DST: variants seen among roughly 807,000 people sequenced by gnomAD.
DST encodes dystonin.
In DST, 253 loss-of-function variants were observed where a neutral mutation model predicts 875.2. The observed-to-expected ratio is 0.29, with a 90% CI of 0.26 to 0.32. The LOEUF is 0.32. Ranked by LOEUF, DST falls within the 10% of genes least tolerant of loss-of-function variation. The pLI, the probability that DST is intolerant of heterozygous loss-of-function variation, is 1.00. For missense variants in DST, 8,287 were observed against 9,111.6 expected, an observed-to-expected ratio of 0.91 and a Z score of 3.68; for synonymous variants, 3,124 against 3,197.1, an observed-to-expected ratio of 0.98 and a Z score of 0.77.
At position 56,603,025 on chromosome 6, in the gene DST, G is replaced by A. The variant is rs536164178; in HGVS notation, c.11164C>T (p.Leu3722=). Residue 3722 remains leucine (L), a synonymous_variant, in exon 43 of 104, where the codon CTA becomes TTA. Transcript: ENST00000680361. ...AGAAATTCTTCATGGGAAACTGCTAGTTTAGACTAGAAAAAAAAATTGTGC... is the reference window on the plus strand; with the variant it reads ...AGAAATTCTTCATGGGAAACTGCTAATTTAGACTAGAAAAAAAAATTGTGC... ...MLAIDSEMSK[L]AVSHEEFLHK... 51 of 1,567,114 alleles carry A rather than the reference G, an allele frequency of 3.3e-5. No homozygotes were observed. The highest frequency in any genetic ancestry group is 1.7e-4 in the Admixed American group (8 of 47,312).
intron 2 of DST, among the ~76,000 whole-genome samples, chr6:56,947,241 C>T (rs1427728582): frequency 7.5e-6 from 1 of 134,128 alleles, no homozygotes; most frequent in African/African-American, 2.8e-5. Flanking sequence ...TGATTTTTTG[C>T]TACTCTCTCT....
At position 56,637,118 on chromosome 6, in the gene DST, A is replaced by C. The variant is rs1343184781; in HGVS notation, c.2965-466T>G. 3.3e-5 allele frequency among the ~76,000 whole-genome samples: 5 copies of C among 151,618 alleles called. No individual in the cohort carries two copies. In the East Asian group the frequency reaches 5.8e-4, roughly 18 times the overall value. Reference sequence around the variant, plus strand: ...AAACAAACAAACAAACAAAAAAAAAACAAGAAAATCAGGGCAGTAAAATTT... The same window carrying C: ...AAACAAACAAACAAACAAAAAAAAACCAAGAAAATCAGGGCAGTAAAATTT... On this transcript the variant is annotated intron_variant, in intron 22 of 103. Transcript: ENST00000680361.
chr6:56,682,907 G>C (rs1006792458), intron 9 of DST, among the ~76,000 whole-genome samples: 2 of 152,168 alleles, frequency 1.3e-5, no homozygotes, highest in Non-Finnish European at 2.9e-5. Context: ...AAAGCAACCA[G>C]TGCTGGAACT....
intron 9 of DST, among the ~76,000 whole-genome samples, chr6:56,696,916 C>G (rs1373339587): frequency 6.6e-6 from 1 of 152,192 alleles, no homozygotes; most frequent in African/African-American, 2.4e-5. Flanking sequence ...TCTTCTCCAT[C>G]TGTGCTCTTC....
chr6:56,840,938 T>C (rs1591517530), intron 4 of DST, among the ~76,000 whole-genome samples: 2 of 152,192 alleles, frequency 1.3e-5, no homozygotes, highest in East Asian at 3.9e-4. Flanking sequence ...TCTAGATGAA[T>C]GCAAACTCAT....
Position 56,900,575 on chromosome 6 carries a change from G to A in DST, c.263C>T (p.Ala88Val). 2 of 1,367,662 alleles carry A rather than the reference G, an allele frequency of 1.5e-6. No individual in the cohort carries two copies. Among genetic ancestry groups the A allele is most frequent in the Non-Finnish European group, 2.0e-6 (2 of 1,021,852 alleles). 84.7% of individuals were successfully genotyped at this position (1,367,662 alleles called of 1,614,324 possible). Residue 88 changes from alanine to valine, a missense_variant, in exon 3 of 104, where the codon GCC (alanine) becomes GTC (valine). Transcript: ENST00000680361. ...CACTTCTTCCAGACGGGCAGCTGCG[G>A]CCGCTGCAACTCGTCTTCTAAGATG... ...PRHLRRRVAA[A>V]AAARLEEVKP...
rs2099497477 is a variant in DST, at chr6:56,731,340, G to A, written c.687+3888C>T. On this transcript the variant is annotated intron_variant, in intron 5 of 103. Transcript: ENST00000680361. ...AGACTCTCCCACTTCAGTCTTCCAA[G>A]TAACTGGGACTACAGGTGTGCACCA... Among the ~76,000 whole-genome samples the A allele has an allele frequency of 2.0e-5, 3 of 152,226 alleles. No homozygotes were observed. In the East Asian group the frequency reaches 5.8e-4, roughly 29 times the overall value.
intron 70 of DST, 79 bp from the exon 71 acceptor site, chr6:56,517,384 T>C: frequency 6.3e-7 from 1 of 1,585,416 alleles, no homozygotes; most frequent in Non-Finnish European, 8.6e-7. Context: ...GCTAAGTAGT[T>C]AAAAATATCA....
chr6:56,475,588 G>A (rs2095146025), intron 92 of DST, among the ~76,000 whole-genome samples: 1 of 152,184 alleles, frequency 6.6e-6, no homozygotes, highest in African/African-American at 2.4e-5. Flanking sequence ...TATATAGGAA[G>A]GCTGCTTTTC....
chr6:56,468,174 T>A (rs576567997), intron 98 of DST, among the ~76,000 whole-genome samples: 15 of 151,598 alleles, frequency 9.9e-5, no homozygotes, highest in African/African-American at 3.6e-4. Context: ...TAAAATAAAA[T>A]AAAATAAAAG....
intron 34 of DST, among the ~76,000 whole-genome samples, chr6:56,626,620 C>A (rs1229523461): frequency 1.3e-5 from 2 of 152,166 alleles, no homozygotes; most frequent in Admixed American, 1.3e-4. Flanking sequence ...CTAAACAACA[C>A]ATGACTGTAG....
intron 4 of DST, among the ~76,000 whole-genome samples, chr6:56,804,330 G>A (rs1436901176): frequency 4.0e-5 from 6 of 151,892 alleles, no homozygotes; most frequent in Admixed American, 1.3e-4. Context: ...AAAAGCTGTC[G>A]TTAAGTAAGA....
Position 56,781,699 on chromosome 6 carries a change from T to C in DST, c.626-46410A>G, listed in dbSNP as rs539280149. Among the ~76,000 whole-genome samples, 121 of 152,344 alleles carry C rather than the reference T, an allele frequency of 7.9e-4. 1 individual carries two copies. Among genetic ancestry groups the C allele is most frequent in the South Asian group, 2.9e-3 (14 of 4,830 alleles). On this transcript the variant is annotated intron_variant, in intron 4 of 103. Transcript: ENST00000680361. ...ACAATTTGACTTCCTCCTTTCCTAATTGAATACCCTTTATTTCCTTTTCCT... is the reference window on the plus strand; with the variant it reads ...ACAATTTGACTTCCTCCTTTCCTAACTGAATACCCTTTATTTCCTTTTCCT...
intron 3 of DST, among the ~76,000 whole-genome samples, chr6:56,889,451 T>G (rs960578464): frequency 2.0e-5 from 3 of 152,204 alleles, no homozygotes; most frequent in African/African-American, 7.2e-5. Context: ...TTGATGGTGG[T>G]GGGAGCCCAA....
At chr6:56,868,007 T>C (rs1030781130) in intron 3 of DST, among the ~76,000 whole-genome samples, 2 of 152,218 alleles carry the variant, frequency 1.3e-5, no homozygotes, top group African/African-American at 4.8e-5. Context: ...GAAAGCTGTG[T>C]TGCCTCTTTA....
chr6:56,724,451 A>G (rs902995684), intron 5 of DST, among the ~76,000 whole-genome samples: 3 of 152,240 alleles, frequency 2.0e-5, no homozygotes, highest in South Asian at 2.1e-4. Flanking sequence ...AATAATAACA[A>G]TAACACGGGA....
chr6:56,747,865 T>C (rs1327332521), intron 4 of DST, among the ~76,000 whole-genome samples: 1 of 152,196 alleles, frequency 6.6e-6, no homozygotes, highest in African/African-American at 2.4e-5. Context: ...TTGAAAACTT[T>C]TATAATCACT....
At chr6:56,784,757 G>A (rs1219696090) in intron 4 of DST, among the ~76,000 whole-genome samples, 15 of 152,296 alleles carry the variant, frequency 9.8e-5, no homozygotes, top group East Asian at 7.7e-4. Flanking sequence ...GCTTTGTTCC[G>A]TTGCTGGTGA....
chr6:56,646,216 A>G, intron 13 of DST, 34 bp from the exon 14 acceptor site: 3 of 1,218,342 alleles, frequency 2.5e-6, no homozygotes, highest in Non-Finnish European at 3.4e-6. Flanking sequence ...TAAGGACCAA[A>G]CTTAAAAGAT....
Sources: allele counts gnomAD v4.1 joint callset (sites outside exome capture counted in the v4.1 genomes callset), GRCh38; gene constraint gnomAD v4.1.1; transcripts MANE v1.5; gene names NCBI Gene and HGNC (gene_info 2026-07-23, HGNC 2026-07-21).